Variants in MYT1L observed in about 807,000 individuals in gnomAD.
MYT1L encodes the protein myelin transcription factor 1 like, also known as myelin transcription factor 1-like protein.
MYT1L carries 12 observed loss-of-function variants against 126.7 expected under a neutral mutation model. The observed-to-expected ratio is 0.09, with a 90% confidence interval of 0.06 to 0.15. The LOEUF (loss-of-function observed/expected upper bound fraction) is 0.15, where lower values mean the gene tolerates loss of function less well. Among genes scored for constraint, MYT1L ranks in the 10% least tolerant of loss-of-function variants. The pLI is 1.00. For synonymous variants in MYT1L, 541 were observed against 604.2 expected (o/e 0.90, Z 1.53); for missense variants, 979 against 1,585.2 (o/e 0.62, Z 6.49).
chr2:2,102,779 G>A (rs550383239), intron 3 of MYT1L, among the ~76,000 whole-genome samples: 3 of 152,082 alleles, frequency 2.0e-5, no homozygotes, highest in South Asian at 2.1e-4. Context: ...CCTGCATCTC[G>A]GTAGCACTCT....
chr2:2,231,415 C>CA (rs2094158061), intron 2 of MYT1L, among the ~76,000 whole-genome samples: 2 of 152,100 alleles, frequency 1.3e-5, no homozygotes, highest in South Asian at 4.1e-4. Flanking sequence ...GCTCGTTAGG[C>CA]AAAAATGGTT....
chr2:1,874,434 C>G (rs1412425981), intron 18 of MYT1L, among the ~76,000 whole-genome samples: 3 of 152,176 alleles, frequency 2.0e-5, no homozygotes, highest in Non-Finnish European at 4.4e-5. Context: ...TTCTTTAGCA[C>G]TGGCCAGACT....
At chr2:1,804,282 G>A (rs977500633) in intron 22 of MYT1L, among the ~76,000 whole-genome samples, 2 of 152,066 alleles carry the variant, frequency 1.3e-5, no homozygotes, top group African/African-American at 4.8e-5. Flanking sequence ...CACTACACCC[G>A]GCTAATTTTT....
intron 2 of MYT1L, among the ~76,000 whole-genome samples, chr2:2,275,393 T>C (rs1010025687): frequency 2.6e-5 from 4 of 152,110 alleles, no homozygotes; most frequent in African/African-American, 9.7e-5. Flanking sequence ...CAGTGTTCTG[T>C]GGTTTCAGCA....
chr2:2,025,856 T>C (rs2065497022), intron 4 of MYT1L, among the ~76,000 whole-genome samples: 1 of 152,222 alleles, frequency 6.6e-6, no homozygotes, highest in Non-Finnish European at 1.5e-5. Flanking sequence ...CTATTGCAAT[T>C]ATACTCAAAC....
At chr2:2,068,316 G>A (rs1247746476) in intron 3 of MYT1L, among the ~76,000 whole-genome samples, 7 of 152,096 alleles carry the variant, frequency 4.6e-5, no homozygotes, top group Admixed American at 2.6e-4. Context: ...TGCAGTGGCT[G>A]AAGCTTTCTC....
At chr2:1,845,113 G>A (rs1265472899) in intron 19 of MYT1L, among the ~76,000 whole-genome samples, 1 of 151,962 alleles carries the variant, frequency 6.6e-6, no homozygotes, top group African/African-American at 2.4e-5. Flanking sequence ...TGAGTAGCTG[G>A]GATTACAGAC....
intron 19 of MYT1L, among the ~76,000 whole-genome samples, chr2:1,844,747 T>C (rs1266625877): frequency 1.3e-5 from 2 of 152,224 alleles, no homozygotes; most frequent in Non-Finnish European, 2.9e-5. Context: ...TTCACCTTTA[T>C]CTGCACTTGT....
chr2:1,965,009 A>G (rs1038740548), intron 8 of MYT1L, among the ~76,000 whole-genome samples: 2 of 152,240 alleles, frequency 1.3e-5, no homozygotes, highest in African/African-American at 4.8e-5. Context: ...AATGGCTGTG[A>G]GAGCTCTCAA....
At chr2:2,160,952 C>T (rs2087781240) in intron 3 of MYT1L, among the ~76,000 whole-genome samples, 1 of 152,148 alleles carries the variant, frequency 6.6e-6, no homozygotes, top group Admixed American at 6.5e-5. Flanking sequence ...CACAGTGGCT[C>T]ACACCTGTAA....
intron 2 of MYT1L, among the ~76,000 whole-genome samples, chr2:2,282,054 G>A (rs1185388311): frequency 2.0e-5 from 3 of 152,152 alleles, no homozygotes; most frequent in South Asian, 2.1e-4. Context: ...AACAATAATG[G>A]TCGCTATATT....
intron 4 of MYT1L, among the ~76,000 whole-genome samples, chr2:2,014,421 G>C (rs1281908706): frequency 6.6e-6 from 1 of 152,264 alleles, no homozygotes; most frequent in African/African-American, 2.4e-5. Context: ...TGGGAAGGCC[G>C]GTCATCCTGG....
chr2:1,978,853 C>T (rs761716761), intron 8 of MYT1L, among the ~76,000 whole-genome samples: 13 of 152,114 alleles, frequency 8.5e-5, no homozygotes, highest in Non-Finnish European at 1.9e-4. Flanking sequence ...TTGGGCTCCT[C>T]GGTGAGCAGT....
At chr2:2,198,217 T>C (rs1047593357) in intron 2 of MYT1L, among the ~76,000 whole-genome samples, 4 of 151,960 alleles carry the variant, frequency 2.6e-5, no homozygotes, top group Non-Finnish European at 5.9e-5. Flanking sequence ...AAACAGTTGA[T>C]TTCATAGAGA....
chr2:2,008,543 C>T (rs921682896), intron 4 of MYT1L, among the ~76,000 whole-genome samples: 3 of 152,052 alleles, frequency 2.0e-5, no homozygotes, highest in African/African-American at 7.3e-5. Context: ...CTTATTTTTA[C>T]TGTTGATTTG....
chr2:2,280,790 G>A (rs2095436725), intron 2 of MYT1L, among the ~76,000 whole-genome samples: 1 of 152,190 alleles, frequency 6.6e-6, no homozygotes, highest in Admixed American at 6.5e-5. Context: ...AGAGCTCTGT[G>A]ATTTAAAACC....
chr2:1,804,950 C>T (rs2035459943), intron 22 of MYT1L, among the ~76,000 whole-genome samples: 1 of 152,160 alleles, frequency 6.6e-6, no homozygotes, highest in Admixed American at 6.5e-5. Flanking sequence ...AAACACTGCC[C>T]CTGCCCCCAC....
At chr2:1,985,015 C>G (rs187780224) in intron 5 of MYT1L, among the ~76,000 whole-genome samples, 3 of 152,134 alleles carry the variant, frequency 2.0e-5, no homozygotes, top group African/African-American at 7.2e-5. Context: ...CTCCCCTCCC[C>G]GACAGAGTCC....
chr2:1,917,373 G>C lies in MYT1L; in HGVS notation c.1484-34C>G. 6.4e-7 allele frequency: 1 copy of C among 1,570,596 alleles called. No individual in the cohort carries two copies. The highest frequency in any genetic ancestry group is 2.3e-5 in the East Asian group (1 of 44,278). On this transcript the variant is annotated intron_variant, in intron 10 of 24. Coordinates refer to ENST00000647738, the MANE Select transcript of MYT1L (RefSeq NM_001303052.2). The surrounding 1 kb of genome is among the most constrained non-coding windows in gnomAD (Gnocchi z 5.9). Reference sequence around the variant, plus strand: ...GACAACAGGTGCCAAGAGAATAAATGTTTACCAATCAAAGACAAATGTGAT... The same window carrying C: ...GACAACAGGTGCCAAGAGAATAAATCTTTACCAATCAAAGACAAATGTGAT...
Sources: allele counts gnomAD v4.1 joint callset (sites outside exome capture counted in the v4.1 genomes callset), GRCh38; gene constraint gnomAD v4.1.1; non-coding constraint Gnocchi (gnomAD v3.1); transcripts MANE v1.5; gene names NCBI Gene and HGNC (gene_info 2026-07-23, HGNC 2026-07-21).